BABAM2: variants seen among roughly 807,000 people sequenced by gnomAD.
The protein encoded by BABAM2 is BRISC and BRCA1-A complex member 2.
In BABAM2, 31 loss-of-function variants were observed where a neutral mutation model predicts 54.7. That is an observed-to-expected ratio of 0.57 (90% confidence interval 0.43 to 0.77). The LOEUF (loss-of-function observed/expected upper bound fraction) is 0.77. Ranked by LOEUF, BABAM2 falls within the 30% of genes least tolerant of loss-of-function variation. The pLI is 0.00. For synonymous variants in BABAM2, 167 were observed against 162.9 expected (o/e 1.03, Z -0.19); for missense variants, 364 against 455.8 (o/e 0.80, Z 1.83).
chr2:27,903,812 G>C (rs1665993047), intron 2 of BABAM2, among the ~76,000 whole-genome samples: 2 of 152,116 alleles, frequency 1.3e-5, no homozygotes, highest in Admixed American at 6.6e-5. Context: ...CAATTTCATG[G>C]ATAGAAGATT....
intron 6 of BABAM2, among the ~76,000 whole-genome samples, chr2:28,118,963 A>G (rs754605679): frequency 3.3e-5 from 5 of 151,874 alleles, no homozygotes; most frequent in African/African-American, 1.2e-4. Flanking sequence ...TTTTCCCAGC[A>G]ACATACTGAA....
At position 28,116,512 on chromosome 2, in the gene BABAM2, CA is replaced by C. The variant is rs764568891; in HGVS notation, c.571-12757del. On this transcript the variant is annotated intron_variant, in intron 6 of 11. Transcript: ENST00000379624. ...TGCCATGGGCACAGACAGTCTGAGC[CA>C]AGTGACCTGCTGGCTGGGTGGGTAG... 2.6e-5 allele frequency among the ~76,000 whole-genome samples: 4 copies of C among 152,174 alleles called. No homozygotes were observed. In the East Asian group the frequency reaches 7.7e-4, roughly 29 times the overall value.
intron 6 of BABAM2, among the ~76,000 whole-genome samples, chr2:28,086,862 T>C (rs140431635): frequency 0.012 from 1,890 of 152,366 alleles, 16 homozygotes; most frequent in Middle Eastern, 0.031. Flanking sequence ...AATATCTGTA[T>C]AGAGTCCACT....
intron 10 of BABAM2, among the ~76,000 whole-genome samples, chr2:28,277,689 T>C (rs1454802914): frequency 6.6e-6 from 1 of 152,216 alleles, no homozygotes; most frequent in Non-Finnish European, 1.5e-5. Context: ...GTAGCACTAT[T>C]ACCAAGAGCG....
chr2:28,218,168 G>A (rs968423101), intron 7 of BABAM2, among the ~76,000 whole-genome samples: 13 of 152,014 alleles, frequency 8.6e-5, no homozygotes, highest in African/African-American at 3.1e-4. Context: ...GAGTAAATTG[G>A]GGCCACATTG....
intron 6 of BABAM2, among the ~76,000 whole-genome samples, chr2:28,095,002 C>T (rs566793435): frequency 1.3e-4 from 19 of 151,570 alleles, no homozygotes; most frequent in African/African-American, 4.4e-4. Flanking sequence ...TTATGATAGC[C>T]AGTCTTTGGC....
chr2:28,231,694 G>A (rs1349065983), intron 7 of BABAM2, among the ~76,000 whole-genome samples: 2 of 143,712 alleles, frequency 1.4e-5, no homozygotes, highest in African/African-American at 2.7e-5. Flanking sequence ...GACTTTTAGA[G>A]TAAAGTCTCT....
chr2:27,893,989 T>C (rs1429476968), intron 1 of BABAM2, among the ~76,000 whole-genome samples: 1 of 122,014 alleles, frequency 8.2e-6, no homozygotes, highest in East Asian at 2.3e-4. Context: ...TGAGACTCTG[T>C]CGCAAAAAAA....
chr2:28,250,694 G>C (rs1031967832), intron 10 of BABAM2, among the ~76,000 whole-genome samples: 3 of 151,188 alleles, frequency 2.0e-5, no homozygotes, highest in Non-Finnish European at 4.4e-5. Flanking sequence ...CCGCCTCCCA[G>C]GTTCAAGCAA....
intron 7 of BABAM2, among the ~76,000 whole-genome samples, chr2:28,153,118 GT>G (rs1329769801): frequency 1.3e-5 from 2 of 151,656 alleles, no homozygotes; most frequent in African/African-American, 2.4e-5. Flanking sequence ...ACTTGGAGTT[GT>G]TTTTTTTCTC....
chr2:28,332,592 T>G (rs190804157), intron 11 of BABAM2, among the ~76,000 whole-genome samples: 128 of 152,290 alleles, frequency 8.4e-4, no homozygotes, highest in Non-Finnish European at 1.5e-3. Context: ...CATGTTGTCC[T>G]GGACAGAAGG....
intron 3 of BABAM2, among the ~76,000 whole-genome samples, chr2:27,967,987 T>A (rs1027074352): frequency 6.9e-4 from 105 of 152,090 alleles, no homozygotes; most frequent in African/African-American, 2.3e-3. Context: ...GTTTGGAAAA[T>A]TTGCAGCCTG....
chr2:28,089,977 A>G (rs772343259), intron 6 of BABAM2, among the ~76,000 whole-genome samples: 7 of 151,872 alleles, frequency 4.6e-5, no homozygotes, highest in African/African-American at 7.3e-5. Context: ...TTATATTACT[A>G]TTATTTAGAT....
At chr2:27,902,975 C>T (rs1444399435) in intron 2 of BABAM2, among the ~76,000 whole-genome samples, 2 of 151,658 alleles carry the variant, frequency 1.3e-5, no homozygotes, top group Admixed American at 6.6e-5. Context: ...CTGGGCCTAT[C>T]CAAAAGTCAC....
chr2:27,945,338 C>G (rs1669221398), intron 3 of BABAM2, among the ~76,000 whole-genome samples: 1 of 151,958 alleles, frequency 6.6e-6, no homozygotes, highest in Non-Finnish European at 1.5e-5. Context: ...CTTTGAGCTA[C>G]TTTTGATCAT....
intron 3 of BABAM2, among the ~76,000 whole-genome samples, chr2:27,970,178 C>T (rs148514421): frequency 7.4e-4 from 113 of 151,890 alleles, no homozygotes; most frequent in East Asian, 3.9e-3. Flanking sequence ...TGTCTAATTC[C>T]CAGTCCCAGT....
chr2:28,142,780 G>T (rs1365374729), intron 7 of BABAM2, among the ~76,000 whole-genome samples: 1 of 151,938 alleles, frequency 6.6e-6, no homozygotes, highest in Non-Finnish European at 1.5e-5. Flanking sequence ...TAAAGCTAAA[G>T]GAAATTATTT....
At position 28,054,643 on chromosome 2, in the gene BABAM2, G is replaced by A. The variant is rs568493277; in HGVS notation, c.570+8844G>A. Among the ~76,000 whole-genome samples the A allele has an allele frequency of 1.4e-4, 21 of 152,322 alleles. No individual in the cohort carries two copies. The South Asian group carries it at 4.1e-3, about 30-fold the overall frequency. The stretch of plus-strand genomic sequence containing the variant: ...GACACAGTGAGAAGGCACCATCTGT[G>A]AACTAGGAAACAGGCCCTCACCAGA... On this transcript the variant is annotated intron_variant, in intron 6 of 11. Coordinates refer to ENST00000379624, the MANE Select transcript of BABAM2 (RefSeq NM_199191.3).
At chr2:28,025,566 AG>A in intron 5 of BABAM2, 146 bp downstream of exon 5, 1 of 772,584 alleles carries the variant, frequency 1.3e-6, no homozygotes, top group East Asian at 3.0e-5. Context: ...GAGTTTAAAG[AG>A]ACCTTAATGT....
Sources: allele counts gnomAD v4.1 joint callset (sites outside exome capture counted in the v4.1 genomes callset), GRCh38; gene constraint gnomAD v4.1.1; transcripts MANE v1.5; gene names NCBI Gene and HGNC (gene_info 2026-07-23, HGNC 2026-07-21).